Variants in UGT2A2 observed in about 807,000 individuals in gnomAD.
The protein encoded by UGT2A2 is UDP glucuronosyltransferase family 2 member A2.
In UGT2A2, 60 loss-of-function variants were observed where a neutral mutation model predicts 50.7. The observed-to-expected ratio is 1.18, with a 90% confidence interval of 0.96 to 1.47. The LOEUF (loss-of-function observed/expected upper bound fraction) is 1.47. UGT2A2 is among the 40% of genes most tolerant of loss of function. The pLI is 0.00. For missense variants in UGT2A2, 762 were observed against 634.0 expected, an observed-to-expected ratio of 1.20 and a Z score of -2.17; for synonymous variants, 242 against 214.6, an observed-to-expected ratio of 1.13 and a Z score of -1.11.
At chr4:69,637,328 A>C (rs1021173281) in intron 1 of UGT2A2, among the ~76,000 whole-genome samples, 1 of 152,162 alleles carries the variant, frequency 6.6e-6, no homozygotes, top group African/African-American at 2.4e-5. Context: ...AAATTCTAAG[A>C]AAAAGTTGAA....
At chr4:69,600,487 G>A (rs1388346576) in intron 1 of UGT2A2, among the ~76,000 whole-genome samples, 3 of 152,194 alleles carry the variant, frequency 2.0e-5, no homozygotes, top group Admixed American at 6.5e-5. Flanking sequence ...AGTAGGAAGT[G>A]TGCTATGGCC....
At chr4:69,593,927 C>G (rs1461768903) in intron 5 of UGT2A2, among the ~76,000 whole-genome samples, 2 of 149,818 alleles carry the variant, frequency 1.3e-5, no homozygotes, top group Non-Finnish European at 3.0e-5. Context: ...ATAATCATAG[C>G]ATTCTTTATT....
intron 4 of UGT2A2, 50 bp downstream of exon 4, chr4:69,595,112 T>C (rs1191561141): frequency 8.7e-6 from 14 of 1,603,170 alleles, no homozygotes; most frequent in Non-Finnish European, 1.1e-5. Context: ...AACAGTTACT[T>C]AACTTGTCTA....
Position 69,601,737 on chromosome 4 carries a change from C to G in UGT2A2, c.743-2343G>C, listed in dbSNP as rs990590901. On this transcript the variant is annotated intron_variant, in intron 1 of 5. Coordinates refer to ENST00000604629, the MANE Select transcript of UGT2A2 (RefSeq NM_001105677.2). ...CCTGCCACCCCTGTCAGAGCTGGTG[C>G]TGGTATCCACTGATGGGAGACTAGA... Among the ~76,000 whole-genome samples, 3 of 139,694 alleles carry G rather than the reference C, an allele frequency of 2.1e-5. 1 individual carries two copies. Among genetic ancestry groups the G allele is most frequent in the Non-Finnish European group, 4.6e-5 (3 of 64,836 alleles). 91.6% of individuals were successfully genotyped at this position (139,694 alleles called of 152,430 possible).
At chr4:69,610,050 C>T (rs1343145693) in intron 1 of UGT2A2, among the ~76,000 whole-genome samples, 1 of 152,120 alleles carries the variant, frequency 6.6e-6, no homozygotes, top group Non-Finnish European at 1.5e-5. Flanking sequence ...TAAAACCAGT[C>T]AGGCTTCTGG....
At chr4:69,633,646 C>G (rs1252772321) in intron 1 of UGT2A2, among the ~76,000 whole-genome samples, 1 of 152,152 alleles carries the variant, frequency 6.6e-6, no homozygotes, top group Non-Finnish European at 1.5e-5. Context: ...CATGCAACAA[C>G]TTGTACGAAT....
chr4:69,623,494 T>TA (rs35302832), intron 1 of UGT2A2, among the ~76,000 whole-genome samples: 2 of 151,672 alleles, frequency 1.3e-5, no homozygotes, highest in African/African-American at 2.4e-5. Context: ...TGCATACATG[T>TA]AAAAAAATAG....
intron 1 of UGT2A2, among the ~76,000 whole-genome samples, chr4:69,610,766 GA>G (rs1269042820): frequency 4.6e-5 from 7 of 152,204 alleles, no homozygotes; most frequent in Non-Finnish European, 7.4e-5. Flanking sequence ...AAAACTTCAA[GA>G]AAAAACAGAC....
chr4:69,639,485 C>T lies in UGT2A2; in HGVS notation c.156G>A (p.Leu52=). Residue 52 remains leucine, a synonymous_variant, in exon 1 of 6, where the codon TTG becomes TTA. Transcript: ENST00000604629. ...WLNIKIILEE[L]IQRNHNVTVL... is the part of the protein sequence containing the mutation. ...CAGTCACATTGTGATTTCTTTGAATCAACTCTTCTAGAATAATCTTAATAT... is the reference window on the plus strand; with the variant it reads ...CAGTCACATTGTGATTTCTTTGAATTAACTCTTCTAGAATAATCTTAATAT... The T allele has an allele frequency of 1.2e-6, 2 of 1,613,100 alleles. No individual in the cohort carries two copies. The highest frequency in any genetic ancestry group is 1.7e-6 in the Non-Finnish European group (2 of 1,179,518).
intron 1 of UGT2A2, among the ~76,000 whole-genome samples, chr4:69,634,809 A>T (rs11931365): frequency 0.23 from 34,507 of 152,050 alleles, 4,181 homozygotes; most frequent in Middle Eastern, 0.25. Context: ...AGCAAACATC[A>T]CCCTTAATGG....
chr4:69,591,679 A>AT (rs1718605311), intron 5 of UGT2A2, among the ~76,000 whole-genome samples: 1 of 152,148 alleles, frequency 6.6e-6, no homozygotes, highest in Admixed American at 6.6e-5. Context: ...GAGGAAGTCC[A>AT]TTTGGATGGT....
Position 69,594,659 on chromosome 4 carries a change from T to C in UGT2A2, c.1149A>G (p.Gly383=). The stretch of plus-strand genomic sequence containing the variant: ...AAATAGCTTCGTAGATCCCATTAGT[T>C]CCACCATGAGTGATAAAAGCTTTGG... The part of the protein sequence containing the change: ...PKTKAFITHG[G]TNGIYEAIYH... Residue 383 remains glycine (G), a synonymous_variant, in exon 5 of 6, where the codon GGA becomes GGG. Transcript: ENST00000604629. 6.2e-7 allele frequency: 1 copy of C among 1,614,094 alleles called. No homozygotes were observed. Among genetic ancestry groups the C allele is most frequent in the Non-Finnish European group, 8.5e-7 (1 of 1,180,012 alleles).
intron 1 of UGT2A2, among the ~76,000 whole-genome samples, chr4:69,614,451 C>A (rs1347997877): frequency 2.4e-5 from 3 of 124,902 alleles, no homozygotes; most frequent in African/African-American, 9.6e-5. Flanking sequence ...AAATTCTTCA[C>A]AAATTAAAAA....
At chr4:69,624,501 C>T (rs1720924631) in intron 1 of UGT2A2, among the ~76,000 whole-genome samples, 1 of 151,274 alleles carries the variant, frequency 6.6e-6, no homozygotes, top group Non-Finnish European at 1.5e-5. Flanking sequence ...TATCATTTTG[C>T]TACTTTTTTT....
intron 1 of UGT2A2, among the ~76,000 whole-genome samples, chr4:69,607,631 C>A (rs1160199998): frequency 6.6e-6 from 1 of 152,258 alleles, no homozygotes; most frequent in African/African-American, 2.4e-5. Flanking sequence ...AGTGAACAGG[C>A]AACCTACAGA....
Position 69,639,406 on chromosome 4 carries a change from T to C in UGT2A2, c.235A>G (p.Asn79Asp). ...FINSNPDSPVNFEVIPVSYKK... is the reference protein window; with the variant it reads ...FINSNPDSPVDFEVIPVSYKK... ...TAGGAAACAGGTATCACTTCAAAATTCACAGGAGAATCGGGATTGGAGTTG... is the reference window on the plus strand; with the variant it reads ...TAGGAAACAGGTATCACTTCAAAATCCACAGGAGAATCGGGATTGGAGTTG... The change falls in exon 1 of 6, where the codon AAT becomes GAT. Residue 79 changes from asparagine (N) to aspartate (D), a missense_variant. Transcript: ENST00000604629. 1 of 1,613,456 alleles carries C rather than the reference T, an allele frequency of 6.2e-7. No individual in the cohort carries two copies. The highest frequency in any genetic ancestry group is 1.1e-5 in the South Asian group (1 of 90,990).
chr4:69,594,538 G>GAA lies in UGT2A2; in HGVS notation c.1269_1270insTT (p.Leu424PhefsTer2). On this transcript the variant is annotated frameshift_variant, in exon 5 of 6. Coordinates refer to ENST00000604629, the MANE Select transcript of UGT2A2 (RefSeq NM_001105677.2). LOFTEE classifies it high-confidence loss of function. ...AAATCCACACTTGTCATTGTGTTTA[G>GAA]GTTCACTTCCACAGCTGCTCCTTTG... The GAA allele has an allele frequency of 6.2e-7, 1 of 1,614,124 alleles. No individual in the cohort carries two copies. Among genetic ancestry groups the GAA allele is most frequent in the Non-Finnish European group, 8.5e-7 (1 of 1,180,022 alleles).
intron 1 of UGT2A2, among the ~76,000 whole-genome samples, chr4:69,620,706 G>A (rs1000639238): frequency 2.7e-4 from 40 of 146,670 alleles, no homozygotes; most frequent in Admixed American, 1.0e-3. Context: ...CAAAAAGAAC[G>A]AAGATGGAGT....
intron 5 of UGT2A2, among the ~76,000 whole-genome samples, chr4:69,593,928 A>G (rs1025780761): frequency 6.7e-5 from 10 of 150,136 alleles, no homozygotes; most frequent in Non-Finnish European, 1.3e-4. Context: ...TAATCATAGC[A>G]TTCTTTATTT....
Sources: allele counts gnomAD v4.1 joint callset (sites outside exome capture counted in the v4.1 genomes callset), GRCh38; gene constraint gnomAD v4.1.1; transcripts MANE v1.5; gene names NCBI Gene and HGNC (gene_info 2026-07-23, HGNC 2026-07-21).